The following FILIP1 variants were observed in gnomAD, a reference collection of about 807,000 sequenced individuals.
FILIP1 encodes the protein filamin-A-interacting protein 1.
A neutral mutation model predicts 102.1 loss-of-function variants in FILIP1; 61 were observed. The ratio of observed to expected loss-of-function variants is 0.60; its 90% CI spans 0.49 to 0.74. The LOEUF is 0.74. Ranked by LOEUF, FILIP1 falls within the 30% of genes least tolerant of loss-of-function variation. FILIP1 has a pLI of 0.00. For missense variants in FILIP1, 1,314 were observed against 1,441.2 expected, an observed-to-expected ratio of 0.91 and a Z score of 1.43; for synonymous variants, 491 against 526.9, an observed-to-expected ratio of 0.93 and a Z score of 0.93.
chr6:75,379,730 C>A (rs4616955), intron 2 of FILIP1, among the ~76,000 whole-genome samples: 5,896 of 152,268 alleles, frequency 0.039, 204 homozygotes, highest in East Asian at 0.13. Context: ...GGCCTCTGCC[C>A]CTTTGCCTAG....
intron 1 of FILIP1, among the ~76,000 whole-genome samples, chr6:75,436,579 C>T (rs941035014): frequency 7.2e-5 from 11 of 152,050 alleles, no homozygotes; most frequent in African/African-American, 2.2e-4. Flanking sequence ...AATAATTATA[C>T]GGTGGAGCTT....
chr6:75,309,285 C>T (rs999893905), intron 5 of FILIP1, among the ~76,000 whole-genome samples: 1 of 152,110 alleles, frequency 6.6e-6, no homozygotes, highest in South Asian at 2.1e-4. Flanking sequence ...TCAGATGAAG[C>T]CACTCGCTTT....
Position 75,350,907 on chromosome 6 carries a change from G to C in FILIP1, c.629+2632C>G, listed in dbSNP as rs1325275360. On this transcript the variant is annotated intron_variant, in intron 4 of 5. Transcript: ENST00000237172. ...CGATATTCTAAAAAGTTAATATCAA[G>C]TTGCAACTTTTTTACCTGACCACAT... Among the ~76,000 whole-genome samples, 5 of 152,282 alleles carry C rather than the reference G, an allele frequency of 3.3e-5. No individual in the cohort carries two copies. In the East Asian group the frequency reaches 9.6e-4, roughly 29 times the overall value.
At chr6:75,307,762 A>G (rs980572313), downstream of FILIP1, among the ~76,000 whole-genome samples, 1 of 152,216 alleles carries the variant, frequency 6.6e-6, no homozygotes, top group Non-Finnish European at 1.5e-5. Context: ...CTGGTTTTAC[A>G]CTTGCAAGTC....
intron 1 of FILIP1, among the ~76,000 whole-genome samples, chr6:75,433,069 GTCTA>G (rs1777883847): frequency 6.6e-6 from 1 of 152,156 alleles, no homozygotes; most frequent in Admixed American, 6.5e-5. Context: ...TCTTAATCCA[GTCTA>G]TCACTGATGG....
intron 2 of FILIP1, among the ~76,000 whole-genome samples, chr6:75,400,002 C>T (rs73459756): frequency 0.011 from 1,656 of 152,148 alleles, 34 homozygotes; most frequent in African/African-American, 0.038. Context: ...ATTAAGATGA[C>T]GGTGTTCTCA....
intron 2 of FILIP1, among the ~76,000 whole-genome samples, chr6:75,386,922 C>T (rs777300192): frequency 6.6e-6 from 1 of 152,004 alleles, no homozygotes; most frequent in Admixed American, 6.6e-5. Context: ...TATACATGTG[C>T]CATGGTGGTT....
At chr6:75,324,071 G>C (rs1448993256) in intron 4 of FILIP1, among the ~76,000 whole-genome samples, 1 of 152,116 alleles carries the variant, frequency 6.6e-6, no homozygotes, top group Non-Finnish European at 1.5e-5. Context: ...CTTTGTAGCA[G>C]TGTGAAAATG....
At chr6:75,349,683 T>C (rs1158407642) in intron 4 of FILIP1, among the ~76,000 whole-genome samples, 1 of 152,186 alleles carries the variant, frequency 6.6e-6, no homozygotes, top group Non-Finnish European at 1.5e-5. Flanking sequence ...GTTTCCTTAT[T>C]AGCAGCAGTC....
At chr6:75,412,324 G>A (rs1176256197) in intron 2 of FILIP1, among the ~76,000 whole-genome samples, 2 of 152,092 alleles carry the variant, frequency 1.3e-5, no homozygotes, top group East Asian at 1.9e-4. Flanking sequence ...GGGCTGAGGC[G>A]ATGGGGTTTT....
In FILIP1 at chr6:75,470,361, C is replaced by A. The variant is rs150517233; in HGVS notation, c.-7+23053G>T. On this transcript the variant is annotated intron_variant, in intron 1 of 5. Transcript: ENST00000237172. ...AACAGAATAGAGTTCAAAAAACAGA[C>A]TCACAAACAGAAAATTTATAGAAAG... Among the ~76,000 whole-genome samples, 208 of 152,244 alleles carry A rather than the reference C, an allele frequency of 1.4e-3. 1 individual carries two copies. The highest frequency in any genetic ancestry group is 4.7e-3 in the African/African-American group (195 of 41,568).
In FILIP1 at chr6:75,383,863, C is replaced by A. The variant is rs187058612; in HGVS notation, c.277-20946G>T. ...TTAACTAATAAGTGGTGTCAGAATGCGAAATCAGGCAACCTAACTTCAGAG... is the reference window on the plus strand; with the variant it reads ...TTAACTAATAAGTGGTGTCAGAATGAGAAATCAGGCAACCTAACTTCAGAG... On this transcript the variant is annotated intron_variant, in intron 2 of 5. Transcript: ENST00000237172. Among the ~76,000 whole-genome samples the A allele has an allele frequency of 6.6e-5, 10 of 152,194 alleles. No individual in the cohort carries two copies. In the East Asian group the frequency reaches 1.3e-3, roughly 21 times the overall value.
intron 1 of FILIP1, among the ~76,000 whole-genome samples, chr6:75,474,174 A>G (rs944270357): frequency 3.3e-5 from 5 of 152,166 alleles, no homozygotes; most frequent in Admixed American, 6.5e-5. Context: ...TAGAATCTTA[A>G]AGATACTTTC....
rs1368787022 is a variant in FILIP1, at chr6:75,371,691, C to G, written c.277-8774G>C. 2.0e-5 allele frequency among the ~76,000 whole-genome samples: 3 copies of G among 152,134 alleles called. No homozygotes were observed. In the East Asian group the frequency reaches 5.8e-4, roughly 29 times the overall value. Reference sequence around the variant, plus strand: ...TTTGCATATATAGACAAATGATTTTCTACAAGAGTGCAAGATCTCTCAGTG... The same window carrying G: ...TTTGCATATATAGACAAATGATTTTGTACAAGAGTGCAAGATCTCTCAGTG... On this transcript the variant is annotated intron_variant, in intron 2 of 5. Coordinates refer to ENST00000237172, the MANE Select transcript of FILIP1 (RefSeq NM_015687.5).
chr6:75,492,594 A>G (rs1254019323), intron 1 of FILIP1, among the ~76,000 whole-genome samples: 1 of 152,150 alleles, frequency 6.6e-6, no homozygotes, highest in Non-Finnish European at 1.5e-5. Context: ...TTGCATGGCA[A>G]CTCATGGAAG....
chr6:75,430,773 C>T (rs976749832), intron 1 of FILIP1, among the ~76,000 whole-genome samples: 1 of 152,086 alleles, frequency 6.6e-6, no homozygotes, highest in Non-Finnish European at 1.5e-5. Flanking sequence ...TAAAAACTTG[C>T]AAAGACAAAT....
exon 7 of FILIP1, chr6:75,295,092 C>A (rs1772636315): frequency 6.6e-6 from 1 of 151,900 alleles, no homozygotes; most frequent in South Asian, 2.1e-4. Flanking sequence ...ATCTTTATTT[C>A]ACAGTCCTTA....
At chr6:75,346,134 T>TA (rs1249767616) in intron 4 of FILIP1, among the ~76,000 whole-genome samples, 1 of 152,220 alleles carries the variant, frequency 6.6e-6, no homozygotes, top group African/African-American at 2.4e-5. Context: ...ATCCAGGTAG[T>TA]AGCACTACAA....
chr6:75,314,236 A>T lies in FILIP1; in HGVS notation c.1596T>A (p.Asn532Lys). The change falls in exon 5 of 6, where the codon AAT becomes AAA. Residue 532 changes from asparagine to lysine, a missense_variant. Asn to Lys is a moderately conservative substitution (Grantham distance 94). Transcript: ENST00000237172. ...EERKVDGLNKNFKVEQGKVMD... is the reference protein window; with the variant it reads ...EERKVDGLNKKFKVEQGKVMD... ...TAACTTTTCCTTGTTCCACCTTAAA[A>T]TTTTTATTGAGTCCATCCACTTTTC... 6.4e-7 allele frequency: 1 copy of T among 1,560,858 alleles called. No homozygotes were observed. The highest frequency in any genetic ancestry group is 8.6e-7 in the Non-Finnish European group (1 of 1,164,348).
Sources: allele counts gnomAD v4.1 joint callset (sites outside exome capture counted in the v4.1 genomes callset), GRCh38; gene constraint gnomAD v4.1.1; transcripts MANE v1.5; gene names NCBI Gene and HGNC (gene_info 2026-07-23, HGNC 2026-07-21).